The following FHDC1 variants were observed in gnomAD, a reference collection of about 807,000 sequenced individuals.
The protein encoded by FHDC1 is FH2 domain-containing protein 1.
FHDC1 carries 25 observed loss-of-function variants against 52.6 expected under a neutral mutation model. The ratio of observed to expected loss-of-function variants is 0.48; its 90% CI spans 0.35 to 0.66. The LOEUF is 0.66. FHDC1 is among the 30% of genes least tolerant of loss of function. The pLI, the probability that FHDC1 is intolerant of heterozygous loss-of-function variation, is 0.01. For missense variants in FHDC1, 1,459 were observed against 1,452.8 expected (o/e 1.00, Z -0.07); for synonymous variants, 616 against 581.5 (o/e 1.06, Z -0.85).
intron 11 of FHDC1, among the ~76,000 whole-genome samples, chr4:152,974,190 T>C (rs1485798630): frequency 6.6e-6 from 1 of 152,228 alleles, no homozygotes; most frequent in African/African-American, 2.4e-5. Context: ...AGAAGTACAA[T>C]TTGAGGCTCG....
chr4:152,949,124 T>TAATAATAAGAAGAAG (rs1347590282), intron 2 of FHDC1, among the ~76,000 whole-genome samples: 109 of 74,680 alleles, frequency 1.5e-3, no homozygotes, highest in East Asian at 6.0e-3. Flanking sequence ...ATAATAATAA[T>TAATAATAAGAAGAAG]AAGAAGAAGA....
intron 2 of FHDC1, among the ~76,000 whole-genome samples, chr4:152,943,875 C>CA (rs5863025): frequency 0.21 from 31,728 of 152,054 alleles, 3,470 homozygotes; most frequent in South Asian, 0.28. Flanking sequence ...TGCTCAAGTC[C>CA]GGATTGTTAG....
At chr4:152,968,437 T>C (rs1740532539) in intron 10 of FHDC1, among the ~76,000 whole-genome samples, 1 of 152,176 alleles carries the variant, frequency 6.6e-6, no homozygotes, top group Non-Finnish European at 1.5e-5. Context: ...GCAATTCTCC[T>C]GCCTCAGCCT....
At chr4:152,938,229 A>G (rs1739460372) in intron 1 of FHDC1, among the ~76,000 whole-genome samples, 1 of 148,326 alleles carries the variant, frequency 6.7e-6, no homozygotes, top group African/African-American at 2.5e-5. Flanking sequence ...ACAGTGAGAG[A>G]AACTGAAAAT....
At position 152,943,113 on chromosome 4, in the gene FHDC1, C is replaced by G; in HGVS notation, c.56C>G (p.Ala19Gly). The G allele has an allele frequency of 6.2e-7, 1 of 1,613,968 alleles. No individual in the cohort carries two copies. Among genetic ancestry groups the G allele is most frequent in the African/African-American group, 1.3e-5 (1 of 74,988 alleles). The change falls in exon 2 of 12, where the codon GCC (alanine) becomes GGC (glycine). Residue 19 changes from alanine to glycine, a missense_variant. This residue lies in a region of FHDC1 where 513 missense variants were observed against 581.5 expected (regional missense o/e 0.88). Transcript: ENST00000511601. ...AGTGATAAAGAAAATGGGAATATTG[C>G]CACAGCACCTGGATTCATGATTGGG... ...LVSDKENGNI[A>G]TAPGFMIGQT...
chr4:152,931,707 G>T (rs1164707232), upstream of FHDC1, among the ~76,000 whole-genome samples: 2 of 151,976 alleles, frequency 1.3e-5, no homozygotes, highest in African/African-American at 2.4e-5. Flanking sequence ...TGTCATTGAT[G>T]CTACCTTAGA....
chr4:152,932,143 G>A (rs569470603), upstream of FHDC1, among the ~76,000 whole-genome samples: 18 of 152,080 alleles, frequency 1.2e-4, no homozygotes, highest in Non-Finnish European at 2.6e-4. Context: ...CAGCACTTTG[G>A]GAGGCCAAGG....
At chr4:152,924,660 C>A in the FHDC1 span, among the ~76,000 whole-genome samples, 1 of 152,030 alleles carries the variant, frequency 6.6e-6, no homozygotes, top group Non-Finnish European at 1.5e-5. Context: ...CACATATACA[C>A]CATGGAATAC....
chr4:152,915,075 T>G, the FHDC1 span, among the ~76,000 whole-genome samples: 1 of 152,192 alleles, frequency 6.6e-6, no homozygotes, highest in Non-Finnish European at 1.5e-5. Context: ...TCTGATTCTA[T>G]GTTAGGAAGC....
the FHDC1 span, among the ~76,000 whole-genome samples, chr4:152,926,132 AAGG>A: frequency 6.6e-6 from 1 of 152,112 alleles, no homozygotes; most frequent in Admixed American, 6.6e-5. Flanking sequence ...TGGCAAGAAA[AAGG>A]AGAGACAGCA....
At chr4:152,913,177 T>C in the FHDC1 span, among the ~76,000 whole-genome samples, 24 of 152,316 alleles carry the variant, frequency 1.6e-4, no homozygotes, top group Non-Finnish European at 3.1e-4. Context: ...TCAAGTTTCT[T>C]CTAAAGTTAA....
chr4:152,967,594 G>C (rs1005804686), intron 9 of FHDC1, among the ~76,000 whole-genome samples: 1 of 152,200 alleles, frequency 6.6e-6, no homozygotes, highest in Non-Finnish European at 1.5e-5. Context: ...CTTCTTGTGG[G>C]TTAGAGTTTC....
At chr4:152,970,073 G>A (rs1277221458) in intron 10 of FHDC1, among the ~76,000 whole-genome samples, 1 of 152,170 alleles carries the variant, frequency 6.6e-6, no homozygotes, top group Non-Finnish European at 1.5e-5. Flanking sequence ...GTAGGTCAGG[G>A]TCAGGGCACT....
intron 10 of FHDC1, among the ~76,000 whole-genome samples, chr4:152,972,144 T>C (rs1450736978): frequency 6.6e-6 from 1 of 152,192 alleles, no homozygotes; most frequent in Non-Finnish European, 1.5e-5. Context: ...AAATCTATCT[T>C]GTTGCTTAGT....
intron 1 of FHDC1, among the ~76,000 whole-genome samples, chr4:152,939,090 T>G (rs1357186042): frequency 6.6e-6 from 1 of 152,108 alleles, no homozygotes; most frequent in Non-Finnish European, 1.5e-5. Context: ...TTATTGTTGT[T>G]TTGTTGTTGC....
chr4:152,916,217 AT>A, the FHDC1 span, among the ~76,000 whole-genome samples: 1 of 152,182 alleles, frequency 6.6e-6, no homozygotes, highest in African/African-American at 2.4e-5. Flanking sequence ...TATATAAGAC[AT>A]TTGAAGGAAA....
At chr4:152,914,206 A>G in the FHDC1 span, among the ~76,000 whole-genome samples, 1 of 152,108 alleles carries the variant, frequency 6.6e-6, no homozygotes, top group African/African-American at 2.4e-5. Flanking sequence ...AATGCAAACA[A>G]TTTTTTTGAG....
chr4:152,961,750 C>T (rs1431937585), intron 6 of FHDC1, among the ~76,000 whole-genome samples: 6 of 152,166 alleles, frequency 3.9e-5, no homozygotes, highest in Non-Finnish European at 8.8e-5. Context: ...AAATTTTTCT[C>T]TTTGGTCCAT....
upstream of FHDC1, among the ~76,000 whole-genome samples, chr4:152,931,613 A>G (rs1180540653): frequency 1.3e-5 from 2 of 152,130 alleles, no homozygotes; most frequent in Non-Finnish European, 2.9e-5. Flanking sequence ...TGTTGGGTAA[A>G]GGTTGTCTTT....
Sources: allele counts gnomAD v4.1 joint callset (sites outside exome capture counted in the v4.1 genomes callset), GRCh38; gene constraint gnomAD v4.1.1; regional missense constraint gnomAD v4.1.1; transcripts MANE v1.5; gene names NCBI Gene and HGNC (gene_info 2026-07-23, HGNC 2026-07-21).